The following OTUD4 variants were observed in gnomAD, a reference collection of about 807,000 sequenced individuals.
The protein encoded by OTUD4 is OTU deubiquitinase 4.
Under a neutral mutation model 130.4 loss-of-function variants are expected in OTUD4, and 24 were observed. The observed-to-expected ratio is 0.18, with a 90% CI of 0.13 to 0.26. The LOEUF is 0.26. Among genes scored for constraint, OTUD4 ranks in the 10% least tolerant of loss-of-function variants. The pLI, the probability that OTUD4 is intolerant of heterozygous loss-of-function variation, is 1.00. For synonymous variants in OTUD4, 420 were observed against 472.5 expected (o/e 0.89, Z 1.44); for missense variants, 1,031 against 1,329.4 (o/e 0.78, Z 3.49).
At chr4:145,143,341 T>C in intron 17 of OTUD4, 24 bp downstream of exon 17, 1 of 1,416,302 alleles carries the variant, frequency 7.1e-7, no homozygotes, top group Non-Finnish European at 1.0e-6. Flanking sequence ...GAGCATTCAA[T>C]GTTAAATGCA....
Position 145,179,913 on chromosome 4 carries a change from C to A in OTUD4, c.61G>T (p.Asp21Tyr). ...GDQGGAGPRE[D>Y]ATPMDAYLRK... is the part of the protein sequence containing the mutation. Reference sequence around the variant, plus strand: ...AGATAGGCGTCCATGGGCGTCGCGTCCTCGCGGGGCCCCGCGCCGCCCTGG... The same window carrying A: ...AGATAGGCGTCCATGGGCGTCGCGTACTCGCGGGGCCCCGCGCCGCCCTGG... Residue 21 changes from aspartate (D) to tyrosine (Y), a missense_variant, in exon 1 of 21, where the codon GAC (aspartate) becomes TAC (tyrosine). Asp to Tyr is a radical substitution (Grantham distance 160). Around this residue, in one of 3 missense-constraint regions of OTUD4, gnomAD observed 54 missense variants for 60.6 expected, o/e 0.89. Transcript: ENST00000447906. 6.5e-7 allele frequency: 1 copy of A among 1,528,404 alleles called. No individual in the cohort carries two copies. Among genetic ancestry groups the A allele is most frequent in the African/African-American group, 1.4e-5 (1 of 72,080 alleles). The allele number at this position is 1,528,404 out of a possible 1,614,324, so 94.7% of individuals were successfully genotyped here.
At chr4:145,163,747 C>A (rs1579277335) in intron 5 of OTUD4, among the ~76,000 whole-genome samples, 1 of 149,916 alleles carries the variant, frequency 6.7e-6, no homozygotes, top group African/African-American at 2.5e-5. Flanking sequence ...ACTCTTGATC[C>A]CCGGGCTGAA....
At position 145,152,628 on chromosome 4, in the gene OTUD4, A is replaced by C; in HGVS notation, c.881T>G (p.Leu294Trp). Reference sequence around the variant, plus strand: ...ATTCAAAAATTTTCCATTGTGATCCAACCTAACCTGTTAAAAATTCCAAAA... The same window carrying C: ...ATTCAAAAATTTTCCATTGTGATCCCACCTAACCTGTTAAAAATTCCAAAA... ...YEVGDKCQVR[L>W]DHNGKFLNAD... is the part of the protein sequence containing the mutation. The change falls in exon 11 of 21, where the codon TTG becomes TGG. Residue 294 changes from leucine (L) to tryptophan (W), a missense_variant. Coordinates refer to ENST00000447906, the MANE Select transcript of OTUD4 (RefSeq NM_001366057.1). 6.3e-7 allele frequency: 1 copy of C among 1,590,772 alleles called. No homozygotes were observed. The highest frequency in any genetic ancestry group is 1.3e-5 in the African/African-American group (1 of 74,094).
intron 1 of OTUD4, 24 bp downstream of exon 1, chr4:145,179,777 GCCTCCCCTCGAAGC>G: frequency 3.2e-6 from 1 of 315,704 alleles, no homozygotes; most frequent in African/African-American, 4.2e-5. Flanking sequence ...GGCCGTCCCC[GCCTCCCCTCGAAGC>G]CCTCCCCGCC....
intron 10 of OTUD4, among the ~76,000 whole-genome samples, chr4:145,154,624 G>T (rs1383431734): frequency 1.3e-5 from 2 of 152,176 alleles, no homozygotes. Flanking sequence ...CAAGAAAAGA[G>T]ACCTTGTAAA....
At chr4:145,144,672 T>C (rs1052814442) in intron 14 of OTUD4, among the ~76,000 whole-genome samples, 6 of 152,172 alleles carry the variant, frequency 3.9e-5, no homozygotes, top group Admixed American at 3.3e-4. Context: ...CTTAGATTAG[T>C]AGACTTAATC....
intron 1 of OTUD4, among the ~76,000 whole-genome samples, chr4:145,177,546 A>G (rs1217373853): frequency 1.3e-5 from 2 of 152,268 alleles, no homozygotes; most frequent in East Asian, 3.8e-4. Context: ...TATATACATG[A>G]AAGCAAACTA....
chr4:145,179,883 T>G lies in OTUD4; in HGVS notation c.91A>C (p.Lys31Gln). Residue 31 changes from lysine to glutamine, a missense_variant, in exon 1 of 21, where the codon AAA (lysine) becomes CAA (glutamine). Lys to Gln is a moderately conservative substitution (Grantham distance 53). Around this residue, in one of 3 missense-constraint regions of OTUD4, gnomAD observed 54 missense variants for 60.6 expected, o/e 0.89. Coordinates refer to ENST00000447906, the MANE Select transcript of OTUD4 (RefSeq NM_001366057.1). ...ACCAGTTTCCGATACAAGCCCAGTT[T>G]CCGCAGATAGGCGTCCATGGGCGTC... ...DATPMDAYLR[K>Q]LGLYRKLVAK... 6.5e-7 allele frequency: 1 copy of G among 1,528,358 alleles called. No homozygotes were observed. Among genetic ancestry groups the G allele is most frequent in the Non-Finnish European group, 8.7e-7 (1 of 1,143,734 alleles). 94.7% of individuals were successfully genotyped at this position (1,528,358 alleles called of 1,614,324 possible). A position where few individuals can be genotyped will look rare whatever the true frequency, so the allele number is the denominator to read the frequency against.
At chr4:145,178,794 A>G (rs1752547103) in intron 1 of OTUD4, among the ~76,000 whole-genome samples, 4 of 152,238 alleles carry the variant, frequency 2.6e-5, no homozygotes, top group Admixed American at 2.0e-4. Context: ...ACTCACAAAT[A>G]GAAATTTTAA....
At chr4:145,168,006 TGTCA>T (rs1381947086) in intron 3 of OTUD4, among the ~76,000 whole-genome samples, 1 of 152,156 alleles carries the variant, frequency 6.6e-6, no homozygotes, top group East Asian at 1.9e-4. Flanking sequence ...CCCCAAGCAG[TGTCA>T]GTATTAAATT....
chr4:145,138,386 G>T lies in OTUD4; in HGVS notation c.2389C>A (p.Pro797Thr). The T allele has an allele frequency of 6.2e-7, 1 of 1,614,152 alleles. No individual in the cohort carries two copies. The highest frequency in any genetic ancestry group is 1.7e-5 in the Admixed American group (1 of 60,014). ...TGACTTTCAGACACCTGAGATGGAG[G>T]GATAACCAGAGGTGAAGAAAATGTC... is the stretch of plus-strand genomic sequence containing the variant. ...PPTFSSPLVI[P>T]PSQVSESHGQ... The change falls in exon 21 of 21, where the codon CCT (proline) becomes ACT (threonine). Residue 797 changes from proline to threonine, a missense_variant. Physicochemically the swap from Pro to Thr is conservative, Grantham distance 38 (BLOSUM62 -1). Transcript: ENST00000447906.
In OTUD4 at chr4:145,135,111, A is replaced by C. The variant is rs143218464; in HGVS notation, c.*2319T>G. Reference sequence around the variant, plus strand: ...AGGAAAAAAAGCGAAACCAACCTTCATGCAAAGATTAATTTTAAAACTATC... The same window carrying C: ...AGGAAAAAAAGCGAAACCAACCTTCCTGCAAAGATTAATTTTAAAACTATC... On this transcript the variant is annotated 3_prime_UTR_variant, in exon 21 of 21. Transcript: ENST00000447906. 267 of 351,686 alleles carry C rather than the reference A, an allele frequency of 7.6e-4. No individual in the cohort carries two copies. Among genetic ancestry groups the C allele is most frequent in the African/African-American group, 5.0e-3 (241 of 47,958 alleles). 21.8% of individuals were successfully genotyped at this position (351,686 alleles called of 1,614,324 possible). A position where few individuals can be genotyped will look rare whatever the true frequency, so the allele number is the denominator to read the frequency against.
chr4:145,144,135 A>G, intron 15 of OTUD4, 134 bp from the exon 16 acceptor site: 1 of 1,030,636 alleles, frequency 9.7e-7, no homozygotes. Context: ...TGTAGTTTTT[A>G]GAATAGCACT....
Position 145,146,379 on chromosome 4 carries a change from G to T in OTUD4, c.1310C>A (p.Ser437Tyr). ...TTCTGGGGAAAGGCCGAAATAGTTA[G>T]ATTCTCGACTTGTGTGATCAAAATC... Reference protein sequence around the residue: ...VEDFDHTSRESNYFGLSPEER... With the variant: ...VEDFDHTSREYNYFGLSPEER... The change falls in exon 14 of 21, where the codon TCT becomes TAT. Residue 437 changes from serine to tyrosine, a missense_variant. Around this residue, in one of 3 missense-constraint regions of OTUD4, gnomAD observed 900 missense variants for 1,095.9 expected, o/e 0.82. Transcript: ENST00000447906. The T allele has an allele frequency of 6.3e-7, 1 of 1,587,838 alleles. No individual in the cohort carries two copies. The highest frequency in any genetic ancestry group is 8.5e-7 in the Non-Finnish European group (1 of 1,170,056).
chr4:145,135,088 GA>G lies in OTUD4; in HGVS notation c.*2341del. 1 of 281,928 alleles carries G rather than the reference GA, an allele frequency of 3.5e-6. No individual in the cohort carries two copies. The highest frequency in any genetic ancestry group is 6.5e-6 in the Non-Finnish European group (1 of 153,380). 17.5% of individuals were successfully genotyped at this position (281,928 alleles called of 1,614,324 possible). ...AATACATTTAAAAACAAACTTAAAG[GA>G]AAAAAAGCGAAACCAACCTTCATGC... On this transcript the variant is annotated 3_prime_UTR_variant, in exon 21 of 21. Coordinates refer to ENST00000447906, the MANE Select transcript of OTUD4 (RefSeq NM_001366057.1).
chr4:145,169,719 G>A (rs569017581), intron 3 of OTUD4, among the ~76,000 whole-genome samples: 10 of 152,064 alleles, frequency 6.6e-5, no homozygotes, highest in Non-Finnish European at 1.2e-4. Flanking sequence ...TGATCCTCCC[G>A]CCTCTGCCTC....
Position 145,135,059 on chromosome 4 carries a change from G to T in OTUD4, c.*2371C>A. 3.7e-5 allele frequency: 13 copies of T among 349,712 alleles called. No individual in the cohort carries two copies. Among genetic ancestry groups the T allele is most frequent in the Admixed American group, 4.7e-5 (1 of 21,078 alleles). 21.7% of individuals were successfully genotyped at this position (349,712 alleles called of 1,614,324 possible). On this transcript the variant is annotated 3_prime_UTR_variant, in exon 21 of 21. Transcript: ENST00000447906. ...CCTCAGCATAAGGCAAAATCCCCTG[G>T]ACTAATACATTTAAAAACAAACTTA...
chr4:145,142,256 G>A lies in OTUD4; in HGVS notation c.1762C>T (p.Pro588Ser). 6.2e-7 allele frequency: 1 copy of A among 1,613,766 alleles called. No individual in the cohort carries two copies. Among genetic ancestry groups the A allele is most frequent in the East Asian group, 2.2e-5 (1 of 44,878 alleles). Residue 588 changes from proline to serine, a missense_variant, in exon 18 of 21, where the codon CCT (proline) becomes TCT (serine). This residue lies in a region of OTUD4 where 900 missense variants were observed against 1,095.9 expected (regional missense o/e 0.82). Coordinates refer to ENST00000447906, the MANE Select transcript of OTUD4 (RefSeq NM_001366057.1). ...GCTGGCACAGTGGCTGGTAAAGAAG[G>A]CACCGCAGGAGTTAGATGTACCTCT... is the stretch of plus-strand genomic sequence containing the variant. ...SPEVHLTPAV[P>S]SLPATVPAWP...
At chr4:145,146,702 A>C (rs1352973970) in intron 13 of OTUD4, among the ~76,000 whole-genome samples, 1 of 152,090 alleles carries the variant, frequency 6.6e-6, no homozygotes, top group Non-Finnish European at 1.5e-5. Context: ...TGGGAGGTAG[A>C]GGGGAAAAGA....
Sources: gnomAD v4.1 joint callset for allele counts (sites outside exome capture counted in the v4.1 genomes callset) on GRCh38, gnomAD v4.1.1 for gene constraint, gnomAD v4.1.1 regional missense constraint, MANE v1.5 for transcripts, NCBI Gene and HGNC (gene_info 2026-07-23, HGNC 2026-07-21) for gene names.